The following MGST1 variants were observed in gnomAD, a reference collection of about 807,000 sequenced individuals.
The protein encoded by MGST1 is microsomal glutathione S-transferase 1.
A neutral mutation model predicts 8.9 loss-of-function variants in MGST1; 5 were observed. The observed-to-expected ratio is 0.56, with a 90% CI of 0.29 to 1.19. MGST1 has a LOEUF of 1.19. Among genes scored for constraint, MGST1 ranks in the 50% most tolerant of loss-of-function variants. The pLI, the probability that MGST1 is intolerant of heterozygous loss-of-function variation, is 0.08. For synonymous variants in MGST1, 54 were observed against 67.8 expected, an observed-to-expected ratio of 0.80 and a Z score of 1.00; for missense variants, 182 against 187.4, an observed-to-expected ratio of 0.97 and a Z score of 0.17.
chr12:16,496,716 G>A (rs2137162471), intron 4 of MGST1, among the ~76,000 whole-genome samples: 1 of 152,134 alleles, frequency 6.6e-6, no homozygotes, highest in Non-Finnish European at 1.5e-5. Context: ...TTACAAGTGG[G>A]AACATGCGGT....
intron 4 of MGST1, among the ~76,000 whole-genome samples, chr12:16,444,193 T>G (rs1185857941): frequency 6.6e-6 from 1 of 151,288 alleles, no homozygotes; most frequent in Non-Finnish European, 1.5e-5. Flanking sequence ...GTTTTTTTTT[T>G]TTTTTTTTTT....
At chr12:16,475,254 T>C (rs1056724277) in intron 4 of MGST1, among the ~76,000 whole-genome samples, 2 of 152,194 alleles carry the variant, frequency 1.3e-5, no homozygotes, top group African/African-American at 4.8e-5. Context: ...AAAAGTACTG[T>C]ACTCTTTTTT....
rs868820225 is a variant in MGST1 at position 16,394,536 on chromosome 12, T to C, written n.778+10932T>C. Among the ~76,000 whole-genome samples the C allele has an allele frequency of 9.4e-3, 693 of 73,804 alleles. 20 individuals carry two copies. The highest frequency in any genetic ancestry group is 0.031 in the African/African-American group (607 of 19,510). The allele number at this position is 73,804 out of a possible 152,430, so 48.4% of individuals were successfully genotyped here. ...TCCCTTTCTTTCTTTCTTTCTTTCT[T>C]TCTTTCTTTCTTTCTTTCTTTCTTT... On this transcript the variant is annotated intron_variant and non_coding_transcript_variant, in intron 1 of 1. Transcript: ENST00000359720.
At chr12:16,532,711 C>T (rs116176382) in intron 4 of MGST1, among the ~76,000 whole-genome samples, 35 of 152,226 alleles carry the variant, frequency 2.3e-4, no homozygotes, top group African/African-American at 8.2e-4. Flanking sequence ...TTCCAGATGG[C>T]AGATTGGGTA....
chr12:16,402,569 A>G (rs565178711), intron 1 of MGST1, among the ~76,000 whole-genome samples: 1 of 152,320 alleles, frequency 6.6e-6, no homozygotes, highest in South Asian at 2.1e-4. Context: ...TAAATTGTAT[A>G]GTACCATTTT....
At chr12:16,406,120 G>A (rs1264070119) in intron 1 of MGST1, among the ~76,000 whole-genome samples, 1 of 151,988 alleles carries the variant, frequency 6.6e-6, no homozygotes, top group Non-Finnish European at 1.5e-5. Context: ...CCAAATAACT[G>A]GCTATCCCTG....
chr12:16,471,509 C>T (rs554281440), intron 4 of MGST1, among the ~76,000 whole-genome samples: 1 of 152,224 alleles, frequency 6.6e-6, no homozygotes, highest in African/African-American at 2.4e-5. Context: ...TCTTATGGGA[C>T]TAACACTCAG....
At position 16,432,656 on chromosome 12, in the gene MGST1, G is replaced by A. The variant is rs559297439; in HGVS notation, n.779-4732G>A. 5.5e-5 allele frequency among the ~76,000 whole-genome samples: 8 copies of A among 144,790 alleles called. No individual in the cohort carries two copies. In the East Asian group the frequency reaches 6.3e-4, roughly 11 times the overall value. 95.0% of individuals were successfully genotyped at this position (144,790 alleles called of 152,430 possible). A position where few individuals can be genotyped will look rare whatever the true frequency, so the allele number is the denominator to read the frequency against. On this transcript the variant is annotated intron_variant and non_coding_transcript_variant, in intron 1 of 1. Coordinates refer to the MGST1 transcript ENST00000359720. Reference sequence around the variant, plus strand: ...CACACCTAAAACTCTGTCCTCACTCGCAAATCTCTCCTCTCTCTCTCTGAC... The same window carrying A: ...CACACCTAAAACTCTGTCCTCACTCACAAATCTCTCCTCTCTCTCTCTGAC...
At chr12:16,427,971 G>T (rs1459854998) in intron 1 of MGST1, among the ~76,000 whole-genome samples, 4 of 150,576 alleles carry the variant, frequency 2.7e-5, no homozygotes, top group Non-Finnish European at 4.4e-5. Context: ...ATTATACATT[G>T]TTTTTATTCT....
At position 16,458,363 on chromosome 12, in the gene MGST1, A is replaced by G. The variant is rs1485108190; in HGVS notation, n.482+74759A>G. On this transcript the variant is annotated intron_variant and non_coding_transcript_variant, in intron 4 of 4. Coordinates refer to the MGST1 transcript ENST00000538857. The surrounding 1 kb of genome is among the most constrained non-coding windows in gnomAD (Gnocchi z 4.0). ...ACCATAAGCAATTTAAATTTTATTG[A>G]TCTCTCCTTCTGAAAGTTGTAATTG... Among the ~76,000 whole-genome samples the G allele has an allele frequency of 6.6e-6, 1 of 151,984 alleles. No homozygotes were observed. Among genetic ancestry groups the G allele is most frequent in the South Asian group, 2.1e-4 (1 of 4,830 alleles).
chr12:16,492,481 T>G (rs1345146476), intron 4 of MGST1, among the ~76,000 whole-genome samples: 2 of 152,142 alleles, frequency 1.3e-5, no homozygotes, highest in Non-Finnish European at 2.9e-5. Context: ...TGTACATCTT[T>G]TAGTCACATT....
intron 1 of MGST1, among the ~76,000 whole-genome samples, chr12:16,422,109 G>A (rs907197865): frequency 1.3e-5 from 2 of 152,228 alleles, no homozygotes; most frequent in Non-Finnish European, 2.9e-5. Flanking sequence ...TCAGAACTGG[G>A]GTGATCATTG....
chr12:16,532,684 A>G (rs1017738602), intron 4 of MGST1, among the ~76,000 whole-genome samples: 11 of 152,098 alleles, frequency 7.2e-5, no homozygotes, highest in Non-Finnish European at 1.5e-4. Context: ...TTTATTGCAA[A>G]CCTGGAATTC....
chr12:16,475,088 G>A (rs191054169), intron 4 of MGST1, among the ~76,000 whole-genome samples: 1 of 152,272 alleles, frequency 6.6e-6, no homozygotes, highest in African/African-American at 2.4e-5. Flanking sequence ...GGGAAACAAA[G>A]GGTACAATCA....
Position 16,396,833 on chromosome 12 carries a change from A to G in MGST1, n.778+13229A>G, listed in dbSNP as rs562807025. Among the ~76,000 whole-genome samples the G allele has an allele frequency of 2.6e-5, 4 of 152,334 alleles. No homozygotes were observed. The South Asian group carries it at 6.2e-4, about 24-fold the overall frequency. On this transcript the variant is annotated intron_variant and non_coding_transcript_variant, in intron 1 of 1. Transcript: ENST00000359720. ...CATCCCATGTTCTTGAATGGGTAGA[A>G]TCAATATTGTGAAAACGACCATACT...
chr12:16,489,755 C>G (rs574651960), intron 4 of MGST1, among the ~76,000 whole-genome samples: 1 of 152,260 alleles, frequency 6.6e-6, no homozygotes, highest in African/African-American at 2.4e-5. Context: ...GTTTATGTCT[C>G]TTCCTTCCTC....
intron 3 of MGST1, among the ~76,000 whole-genome samples, chr12:16,372,687 G>A (rs948390118): frequency 1.5e-4 from 22 of 151,684 alleles, no homozygotes; most frequent in African/African-American, 4.4e-4. Flanking sequence ...GTGTATATTC[G>A]AAAGAACGGA....
At chr12:16,579,955 A>C (rs1943108735) in intron 4 of MGST1, among the ~76,000 whole-genome samples, 1 of 152,222 alleles carries the variant, frequency 6.6e-6, no homozygotes, top group Non-Finnish European at 1.5e-5. Context: ...AATGTTGCAC[A>C]GGGTGCTTTC....
rs1565452441 is a variant in MGST1 at position 16,426,816 on chromosome 12, A to AAC, written n.779-10571_779-10570insCA. ...AATACAAAAACAACAACAACAACAA[A>AAC]AAAAAATTAGCCGGGCGTGATGGCC... is the stretch of plus-strand genomic sequence containing the variant. On this transcript the variant is annotated intron_variant and non_coding_transcript_variant, in intron 1 of 1. Transcript: ENST00000359720. Among the ~76,000 whole-genome samples, 62 of 151,918 alleles carry AAC rather than the reference A, an allele frequency of 4.1e-4. No individual in the cohort carries two copies. The East Asian group carries it at 4.5e-3, about 11-fold the overall frequency.
Sources: allele counts gnomAD v4.1 joint callset (sites outside exome capture counted in the v4.1 genomes callset), GRCh38; gene constraint gnomAD v4.1.1; non-coding constraint Gnocchi (gnomAD v3.1); transcripts MANE v1.5; gene names NCBI Gene and HGNC (gene_info 2026-07-23, HGNC 2026-07-21).